Variants in TMEM177 observed in about 807,000 individuals in gnomAD.
The protein encoded by TMEM177 is transmembrane protein 177.
In TMEM177, 4 loss-of-function variants were observed where a neutral mutation model predicts 14.2. The ratio of observed to expected loss-of-function variants is 0.28; its 90% CI spans 0.14 to 0.64. The LOEUF (loss-of-function observed/expected upper bound fraction) is 0.64, where lower values mean the gene tolerates loss of function less well. TMEM177 is among the 30% of genes least tolerant of loss of function. The pLI, the probability that TMEM177 is intolerant of heterozygous loss-of-function variation, is 0.82. For synonymous variants in TMEM177, 179 were observed against 174.5 expected (o/e 1.03, Z -0.20); for missense variants, 344 against 405.2 (o/e 0.85, Z 1.30).
At chr2:119,699,963 T>G in the TMEM177 span, 1 of 382,676 alleles carries the variant, frequency 2.6e-6, no homozygotes, top group Non-Finnish European at 5.3e-6. Flanking sequence ...TCCAGGTGAA[T>G]AAAGCACGTA....
chr2:119,717,156 A>G, the TMEM177 span, among the ~76,000 whole-genome samples: 1 of 152,172 alleles, frequency 6.6e-6, no homozygotes, highest in Non-Finnish European at 1.5e-5. Context: ...TGGCCATTCT[A>G]GCATTCAGGA....
the TMEM177 span, among the ~76,000 whole-genome samples, chr2:119,714,851 G>T: frequency 6.6e-6 from 1 of 152,254 alleles, no homozygotes; most frequent in Non-Finnish European, 1.5e-5. Flanking sequence ...GGACTTAATC[G>T]TGAAATTGGT....
chr2:119,710,075 G>A, the TMEM177 span, among the ~76,000 whole-genome samples: 2 of 152,124 alleles, frequency 1.3e-5, no homozygotes, highest in Admixed American at 1.3e-4. Flanking sequence ...TAGAAGTGGT[G>A]GTTGCACAAC....
chr2:119,685,755 G>C (rs1017641654), downstream of TMEM177: 5 of 717,686 alleles, frequency 7.0e-6, no homozygotes, highest in Non-Finnish European at 7.8e-6. Context: ...CTGGTTCCAG[G>C]TATCGTTCTT....
the TMEM177 span, among the ~76,000 whole-genome samples, chr2:119,709,749 C>T: frequency 7.9e-5 from 12 of 152,068 alleles, no homozygotes; most frequent in African/African-American, 2.9e-4. Context: ...GGCATGAACC[C>T]AGGAGGTGGA....
chr2:119,681,901 G>C lies in TMEM177; in HGVS notation c.*112G>C. 1.0e-6 allele frequency: 1 copy of C among 965,456 alleles called. No individual in the cohort carries two copies. Among genetic ancestry groups the C allele is most frequent in the South Asian group, 1.6e-5 (1 of 61,724 alleles). 59.8% of individuals were successfully genotyped at this position (965,456 alleles called of 1,614,324 possible). A position where few individuals can be genotyped will look rare whatever the true frequency, so the allele number is the denominator to read the frequency against. On this transcript the variant is annotated 3_prime_UTR_variant, in exon 2 of 2. Transcript: ENST00000272521. ...TAGCTCACGGCCAGAAAAATCACTG[G>C]CTTTGGAATTAAATAGCTTAGATTG...
At chr2:119,708,597 G>A in the TMEM177 span, among the ~76,000 whole-genome samples, 2 of 151,922 alleles carry the variant, frequency 1.3e-5, no homozygotes, top group African/African-American at 4.8e-5. Flanking sequence ...TGTCTCCTGA[G>A]CGTCTTTTAA....
chr2:119,703,081 G>A, the TMEM177 span, among the ~76,000 whole-genome samples: 2 of 152,360 alleles, frequency 1.3e-5, no homozygotes, highest in African/African-American at 2.4e-5. Context: ...CCGGGAGAAG[G>A]GCCGGTGGAA....
the TMEM177 span, among the ~76,000 whole-genome samples, chr2:119,720,273 C>T: frequency 6.6e-6 from 1 of 151,888 alleles, no homozygotes; most frequent in African/African-American, 2.4e-5. Context: ...ATATTTTATT[C>T]CCAACTTTTT....
chr2:119,683,699 C>A (rs1688956476), downstream of TMEM177, among the ~76,000 whole-genome samples: 1 of 152,224 alleles, frequency 6.6e-6, no homozygotes, highest in South Asian at 2.1e-4. Context: ...TGTTCCCAGT[C>A]CTCACACAAG....
At chr2:119,685,860 A>G, downstream of TMEM177, 1 of 605,594 alleles carries the variant, frequency 1.7e-6, no homozygotes, top group Non-Finnish European at 3.0e-6. Context: ...ATGCTGGGTT[A>G]GAAGTAACTT....
the TMEM177 span, among the ~76,000 whole-genome samples, chr2:119,694,034 CACAT>C: frequency 2.9e-4 from 23 of 78,756 alleles, no homozygotes; most frequent in Non-Finnish European, 5.1e-4. Flanking sequence ...ACACATATGA[CACAT>C]ACCACACACA....
chr2:119,702,682 G>A, the TMEM177 span, among the ~76,000 whole-genome samples: 1 of 152,214 alleles, frequency 6.6e-6, no homozygotes, highest in African/African-American at 2.4e-5. Flanking sequence ...AAGCAAAAAT[G>A]CCATGGGATC....
downstream of TMEM177, among the ~76,000 whole-genome samples, chr2:119,690,477 C>T (rs1377738390): frequency 6.6e-6 from 1 of 152,200 alleles, no homozygotes; most frequent in East Asian, 1.9e-4. Flanking sequence ...CTACCCCATA[C>T]CTCTCCTACC....
the TMEM177 span, among the ~76,000 whole-genome samples, chr2:119,703,396 A>G: frequency 1.3e-5 from 2 of 152,222 alleles, no homozygotes; most frequent in South Asian, 4.1e-4. Flanking sequence ...AGTCATGTAA[A>G]ATGGCAGATG....
chr2:119,694,172 CACACAA>C, the TMEM177 span, among the ~76,000 whole-genome samples: 1 of 145,744 alleles, frequency 6.9e-6, no homozygotes, highest in African/African-American at 2.5e-5. Context: ...TGCCACACAA[CACACAA>C]ACACACCACA....
chr2:119,680,994 G>T lies in TMEM177; in HGVS notation c.141G>T (p.Gln47His), dbSNP rs769991758. 1 of 1,614,212 alleles carries T rather than the reference G, an allele frequency of 6.2e-7. No homozygotes were observed. The highest frequency in any genetic ancestry group is 1.1e-5 in the South Asian group (1 of 91,084). ...FPDPVVQWLY[Q>H]YWPQGQPAPL... ...ATCCCGTGGTCCAATGGCTCTACCA[G>T]TACTGGCCTCAGGGCCAGCCAGCTC... The change falls in exon 2 of 2, where the codon CAG (glutamine) becomes CAT (histidine). Residue 47 changes from glutamine to histidine, a missense_variant. Transcript: ENST00000272521.
the TMEM177 span, among the ~76,000 whole-genome samples, chr2:119,709,040 A>T: frequency 1.6e-4 from 24 of 152,314 alleles, no homozygotes; most frequent in South Asian, 4.1e-4. Context: ...CACTCATCTT[A>T]TGGATAAAAA....
chr2:119,719,844 T>C, the TMEM177 span, among the ~76,000 whole-genome samples: 1 of 152,072 alleles, frequency 6.6e-6, no homozygotes, highest in Non-Finnish European at 1.5e-5. Context: ...CCCAGGCTGG[T>C]GTACAGTGGT....
Sources: allele counts gnomAD v4.1 joint callset (sites outside exome capture counted in the v4.1 genomes callset), GRCh38; gene constraint gnomAD v4.1.1; transcripts MANE v1.5; gene names NCBI Gene and HGNC (gene_info 2026-07-23, HGNC 2026-07-21).